Variants in CREB3L1 observed in about 807,000 individuals in gnomAD.
The protein encoded by CREB3L1 is cyclic AMP-responsive element-binding protein 3-like protein 1.
In CREB3L1, 33 loss-of-function variants were observed where a neutral mutation model predicts 54.5. The observed-to-expected ratio is 0.61, with a 90% CI of 0.46 to 0.81. The LOEUF (loss-of-function observed/expected upper bound fraction) is 0.81. Ranked by LOEUF, CREB3L1 falls within the 30% of genes least tolerant of loss-of-function variation. The pLI is 0.00. For synonymous variants in CREB3L1, 284 were observed against 286.4 expected (o/e 0.99, Z 0.08); for missense variants, 656 against 673.3 (o/e 0.97, Z 0.29).
At position 46,320,899 on chromosome 11, in the gene CREB3L1, AT is replaced by A. The variant is rs758418040; in HGVS notation, c.*156del. On this transcript the variant is annotated 3_prime_UTR_variant, in exon 12 of 12. Coordinates refer to ENST00000621158, the MANE Select transcript of CREB3L1 (RefSeq NM_052854.4). ...TTCCCAGCCCTTCCTTGCCCCTGAC[AT>A]TTGGACTCTTCCCTTGGGCCGACCA... 6 of 813,128 alleles carry A rather than the reference AT, an allele frequency of 7.4e-6. No homozygotes were observed. Among genetic ancestry groups the A allele is most frequent in the South Asian group, 7.2e-5 (5 of 69,216 alleles). 50.4% of individuals were successfully genotyped at this position (813,128 alleles called of 1,614,324 possible).
intron 1 of CREB3L1, among the ~76,000 whole-genome samples, chr11:46,282,852 AG>A (rs1346222544): frequency 6.6e-6 from 1 of 152,230 alleles, no homozygotes; most frequent in African/African-American, 2.4e-5. Context: ...TGCTCAATGT[AG>A]TAAAATTCTA....
chr11:46,277,993 T>C lies in CREB3L1; in HGVS notation c.-119T>C, dbSNP rs2136330863. 2 of 367,036 alleles carry C rather than the reference T, an allele frequency of 5.4e-6. No homozygotes were observed. The highest frequency in any genetic ancestry group is 2.2e-5 in the African/African-American group (1 of 46,094). The allele number at this position is 367,036 out of a possible 1,614,324, so 22.7% of individuals were successfully genotyped here. The stretch of plus-strand genomic sequence containing the variant: ...CTCCGTCCGCCCCTCCCCCGGGGCT[T>C]CGCCCCGGACCTGCCCCCCGCCCGT... On this transcript the variant is annotated 5_prime_UTR_variant, in exon 1 of 12. Coordinates refer to ENST00000621158, the MANE Select transcript of CREB3L1 (RefSeq NM_052854.4).
In CREB3L1 at chr11:46,295,486, G is replaced by A. The variant is rs553614509; in HGVS notation, c.103-4449G>A. 6.6e-6 allele frequency among the ~76,000 whole-genome samples: 1 copy of A among 152,192 alleles called. No individual in the cohort carries two copies. Among genetic ancestry groups the A allele is most frequent in the African/African-American group, 2.4e-5 (1 of 41,460 alleles). ...TGAGGGGTTTAGGACACCGTGAGAC[G>A]GCCAGGCCATTTCTGCCTCGGCCCC... is the stretch of plus-strand genomic sequence containing the variant. On this transcript the variant is annotated intron_variant, in intron 1 of 11. Transcript: ENST00000621158. The surrounding 1 kb of genome is among the most constrained non-coding windows in gnomAD (Gnocchi z 4.6).
At chr11:46,280,310 C>A (rs946217479) in intron 1 of CREB3L1, among the ~76,000 whole-genome samples, 1 of 151,834 alleles carries the variant, frequency 6.6e-6, no homozygotes, top group Non-Finnish European at 1.5e-5. Context: ...GTCTCAGCGT[C>A]CCGAGTAGCT....
chr11:46,291,644 G>T (rs1220743777), intron 1 of CREB3L1, among the ~76,000 whole-genome samples: 2 of 152,166 alleles, frequency 1.3e-5, no homozygotes, highest in African/African-American at 4.8e-5. Context: ...GAAGGGCAAG[G>T]GCAAGCATTA....
Position 46,301,450 on chromosome 11 carries a change from G to A in CREB3L1, c.331+1287G>A, listed in dbSNP as rs541803179. ...GTGAGGAGACGAAGACCAGCCTGGC[G>A]AACGTGATAAAACCCCGTCTCTACA... On this transcript the variant is annotated intron_variant, in intron 2 of 11. Coordinates refer to ENST00000621158, the MANE Select transcript of CREB3L1 (RefSeq NM_052854.4). Among the ~76,000 whole-genome samples, 4 of 151,442 alleles carry A rather than the reference G, an allele frequency of 2.6e-5. No individual in the cohort carries two copies. In the East Asian group the frequency reaches 7.8e-4, roughly 30 times the overall value.
At chr11:46,292,989 T>C in intron 1 of CREB3L1, among the ~76,000 whole-genome samples, 1 of 152,160 alleles carries the variant, frequency 6.6e-6, no homozygotes, top group South Asian at 2.1e-4. Context: ...GACTTGGACT[T>C]ACCCTTCATT....
At chr11:46,286,064 GCCT>G (rs1168572817) in intron 1 of CREB3L1, among the ~76,000 whole-genome samples, 1 of 152,206 alleles carries the variant, frequency 6.6e-6, no homozygotes, top group African/African-American at 2.4e-5. Context: ...CTGGGCCTTG[GCCT>G]CCTCATTTCT....
At chr11:46,317,636 GGCCCAAAGAGAGTCTAT>G in intron 10 of CREB3L1, 149 bp downstream of exon 10, 1 of 1,007,320 alleles carries the variant, frequency 9.9e-7, no homozygotes. Context: ...GGGAAACCGA[GGCCCAAAGAGAGTCTAT>G]GCTTTGCTCA....
In CREB3L1 at chr11:46,314,215, GT is replaced by G. The variant is rs1165283859; in HGVS notation, c.1031+1297del. On this transcript the variant is annotated intron_variant, in intron 8 of 11. Transcript: ENST00000621158. ...ATGGTGCCACCGTACTCCAGCCTGG[GT>G]GGCAGAGTGAGACTCTGTCTCAAAA... is the stretch of plus-strand genomic sequence containing the variant. 2.0e-5 allele frequency among the ~76,000 whole-genome samples: 3 copies of G among 150,762 alleles called. No individual in the cohort carries two copies. In the East Asian group the frequency reaches 5.8e-4, roughly 29 times the overall value.
chr11:46,307,540 G>A (rs1195929829), intron 2 of CREB3L1, among the ~76,000 whole-genome samples: 2 of 152,172 alleles, frequency 1.3e-5, no homozygotes, highest in African/African-American at 4.8e-5. Flanking sequence ...GGCTCAGAGA[G>A]GTTAAGCAAC....
intron 1 of CREB3L1, among the ~76,000 whole-genome samples, chr11:46,279,287 G>C (rs979202742): frequency 2.0e-5 from 3 of 152,078 alleles, no homozygotes; most frequent in Admixed American, 6.5e-5. Flanking sequence ...TAGAGGACTT[G>C]AGCATCTTGG....
At chr11:46,294,353 T>C (rs1939172097) in intron 1 of CREB3L1, among the ~76,000 whole-genome samples, 1 of 152,198 alleles carries the variant, frequency 6.6e-6, no homozygotes, top group Admixed American at 6.5e-5. Flanking sequence ...CCAGGAGAAC[T>C]GGTTTCACAC....
chr11:46,297,883 T>C (rs1460978573), intron 1 of CREB3L1, among the ~76,000 whole-genome samples: 1 of 152,196 alleles, frequency 6.6e-6, no homozygotes, highest in Admixed American at 6.5e-5. Flanking sequence ...CTAACAATGA[T>C]CGAGCATTCA....
At chr11:46,301,434 C>T (rs1246051674) in intron 2 of CREB3L1, among the ~76,000 whole-genome samples, 2 of 151,870 alleles carry the variant, frequency 1.3e-5, no homozygotes, top group South Asian at 2.1e-4. Context: ...GGTGAGGAGA[C>T]GAAGACCAGC....
Position 46,320,370 on chromosome 11 carries a change from C to T in CREB3L1, c.1365C>T (p.Pro455=), listed in dbSNP as rs778262802. Residue 455 remains proline, a synonymous_variant, in exon 11 of 12, where the codon CCC becomes CCT. Coordinates refer to ENST00000621158, the MANE Select transcript of CREB3L1 (RefSeq NM_052854.4). The part of the protein sequence containing the change: ...MEPPDGWEIN[P]GGPAEQRPRD... ...CCCCAGATGGCTGGGAAATCAACCC[C>T]GGGGGGCCGGCAGAGCAGCGGCCCC... 1.5e-5 allele frequency: 24 copies of T among 1,610,326 alleles called. No individual in the cohort carries two copies. The Admixed American group carries it at 1.5e-4, about 10-fold the overall frequency.
intron 3 of CREB3L1, among the ~76,000 whole-genome samples, chr11:46,308,987 CA>C (rs914992511): frequency 3.3e-5 from 5 of 152,186 alleles, no homozygotes; most frequent in African/African-American, 1.2e-4. Flanking sequence ...GTAATTTGCC[CA>C]AAATCATGCA....
intron 2 of CREB3L1, among the ~76,000 whole-genome samples, chr11:46,305,894 T>C (rs1590346991): frequency 1.3e-5 from 2 of 150,522 alleles, no homozygotes; most frequent in Middle Eastern, 3.5e-3. Flanking sequence ...CCCGCCACCA[T>C]GCCCAGCTAA....
At chr11:46,279,364 G>A (rs72910039) in intron 1 of CREB3L1, among the ~76,000 whole-genome samples, 12,825 of 152,116 alleles carry the variant, frequency 0.084, 611 homozygotes, top group Non-Finnish European at 0.11. Context: ...GACAGGAGCC[G>A]GAGTCAAGGA....
Sources: allele counts gnomAD v4.1 joint callset (sites outside exome capture counted in the v4.1 genomes callset), GRCh38; gene constraint gnomAD v4.1.1; non-coding constraint Gnocchi (gnomAD v3.1); transcripts MANE v1.5; gene names NCBI Gene and HGNC (gene_info 2026-07-23, HGNC 2026-07-21).